FCHSD2: variants seen among roughly 807,000 people sequenced by gnomAD.
The protein encoded by FCHSD2 is FCH and double SH3 domains 2, also known as F-BAR and double SH3 domains protein 2.
Under a neutral mutation model 108.1 loss-of-function variants are expected in FCHSD2, and 38 were observed. That is an observed-to-expected ratio of 0.35 (90% CI 0.27 to 0.46). The LOEUF (loss-of-function observed/expected upper bound fraction) is 0.46. Among genes scored for constraint, FCHSD2 ranks in the 20% least tolerant of loss-of-function variants. The probability of loss-of-function intolerance (pLI) is 1.00; values close to 1 mark genes in which losing one functional copy is unlikely to be tolerated. For synonymous variants in FCHSD2, 279 were observed against 314.7 expected (o/e 0.89, Z 1.20); for missense variants, 751 against 897.8 (o/e 0.84, Z 2.09).
At chr11:72,959,218 G>GTTTTTTTTT (rs1565342294) in intron 8 of FCHSD2, among the ~76,000 whole-genome samples, 1 of 61,564 alleles carries the variant, frequency 1.6e-5, no homozygotes, top group African/African-American at 6.3e-5. Flanking sequence ...ATATCCAGCA[G>GTTTTTTTTT]TCTTTTTTTT....
chr11:73,037,306 G>A (rs183093778), intron 3 of FCHSD2, among the ~76,000 whole-genome samples: 19 of 152,198 alleles, frequency 1.2e-4, no homozygotes, highest in Admixed American at 1.2e-3. Flanking sequence ...GAAGTCCATG[G>A]TTTACACTAG....
At chr11:73,018,073 A>G (rs1858013611) in intron 3 of FCHSD2, among the ~76,000 whole-genome samples, 1 of 152,328 alleles carries the variant, frequency 6.6e-6, no homozygotes, top group South Asian at 2.1e-4. Flanking sequence ...GAACTCATGT[A>G]TTTTAAATAA....
intron 8 of FCHSD2, among the ~76,000 whole-genome samples, chr11:72,977,018 C>T (rs899623868): frequency 9.9e-5 from 15 of 151,804 alleles, no homozygotes; most frequent in Non-Finnish European, 1.3e-4. Flanking sequence ...CTCCACTTCC[C>T]GGTTCAAGCG....
chr11:72,940,658 AG>A (rs1856397589), intron 8 of FCHSD2: 1 of 1,331,186 alleles, frequency 7.5e-7, no homozygotes, highest in Non-Finnish European at 1.1e-6. Context: ...CCAGGCTGCA[AG>A]GCCAAGCAAG....
At chr11:72,852,250 G>C (rs1230764350) in intron 13 of FCHSD2, among the ~76,000 whole-genome samples, 2 of 152,114 alleles carry the variant, frequency 1.3e-5, no homozygotes, top group South Asian at 2.1e-4. Flanking sequence ...ATGGAAAAAA[G>C]GGACGCTTAT....
chr11:72,901,134 G>A (rs1473508820), intron 10 of FCHSD2, among the ~76,000 whole-genome samples: 1 of 152,142 alleles, frequency 6.6e-6, no homozygotes, highest in African/African-American at 2.4e-5. Context: ...GCTCACGTCC[G>A]TAATGCCAGC....
chr11:73,098,148 G>C (rs77006715), intron 2 of FCHSD2, among the ~76,000 whole-genome samples: 5,077 of 152,120 alleles, frequency 0.033, 129 homozygotes, highest in Middle Eastern at 0.071. Context: ...TATAAAGCTA[G>C]GTTGTTAACT....
At chr11:72,984,933 C>T in intron 7 of FCHSD2, 129 bp downstream of exon 7, 1 of 522,946 alleles carries the variant, frequency 1.9e-6, no homozygotes, top group East Asian at 4.3e-5. Flanking sequence ...GAAAGTTCCT[C>T]CCTGAGTCAG....
At chr11:72,880,839 G>C (rs2135232400) in intron 12 of FCHSD2, among the ~76,000 whole-genome samples, 1 of 150,018 alleles carries the variant, frequency 6.7e-6, no homozygotes, top group East Asian at 2.0e-4. Context: ...CTGCACTCCA[G>C]CCTGGGTGAC....
chr11:72,974,305 T>C (rs1196631891), intron 8 of FCHSD2, among the ~76,000 whole-genome samples: 1 of 152,162 alleles, frequency 6.6e-6, no homozygotes, highest in Non-Finnish European at 1.5e-5. Flanking sequence ...GGCCAAACTT[T>C]TCCTTTTATC....
At chr11:73,016,173 T>A (rs966517331) in intron 3 of FCHSD2, among the ~76,000 whole-genome samples, 8 of 151,764 alleles carry the variant, frequency 5.3e-5, no homozygotes, top group African/African-American at 1.9e-4. Context: ...TGTGGTAGCA[T>A]GCGCCTGTAG....
intron 3 of FCHSD2, among the ~76,000 whole-genome samples, chr11:73,054,239 T>C (rs1214319348): frequency 6.6e-6 from 1 of 152,004 alleles, no homozygotes; most frequent in African/African-American, 2.4e-5. Context: ...AAAAAAAAGT[T>C]TGCCAATCTC....
intron 8 of FCHSD2, among the ~76,000 whole-genome samples, chr11:72,966,253 G>A (rs531076341): frequency 2.3e-4 from 35 of 150,524 alleles, no homozygotes; most frequent in African/African-American, 8.1e-4. Context: ...TCTGCCTCCC[G>A]GGTTCATGCA....
intron 11 of FCHSD2, 105 bp downstream of exon 11, chr11:72,889,724 A>G: frequency 1.5e-6 from 1 of 686,550 alleles, no homozygotes; most frequent in South Asian, 1.9e-5. Flanking sequence ...AAATAAAACA[A>G]AACAACACAT....
At chr11:73,012,460 C>T (rs1857883199) in intron 4 of FCHSD2, among the ~76,000 whole-genome samples, 1 of 152,188 alleles carries the variant, frequency 6.6e-6, no homozygotes, top group Non-Finnish European at 1.5e-5. Flanking sequence ...TACTCCTGTA[C>T]TGTTTACCTA....
At chr11:72,893,125 A>T (rs1217626617) in intron 10 of FCHSD2, among the ~76,000 whole-genome samples, 1 of 151,782 alleles carries the variant, frequency 6.6e-6, no homozygotes, top group Non-Finnish European at 1.5e-5. Flanking sequence ...CAGCCTCCGG[A>T]GTAACTGGGA....
chr11:72,868,155 A>G, intron 12 of FCHSD2, 129 bp from the exon 13 acceptor site: 1 of 781,700 alleles, frequency 1.3e-6, no homozygotes, highest in Non-Finnish European at 2.0e-6. Flanking sequence ...ACACCATGGA[A>G]TACTATGCAG....
At chr11:73,092,029 A>T (rs1859971465) in intron 2 of FCHSD2, among the ~76,000 whole-genome samples, 1 of 151,756 alleles carries the variant, frequency 6.6e-6, no homozygotes, top group South Asian at 2.1e-4. Context: ...AATGAGACTC[A>T]CTCTCAAAAA....
intron 9 of FCHSD2, among the ~76,000 whole-genome samples, chr11:72,913,030 C>T (rs567798628): frequency 1.7e-4 from 26 of 152,210 alleles, no homozygotes; most frequent in African/African-American, 5.3e-4. Context: ...CTTTGTCTTA[C>T]GTGGCAGGAG....
Sources: allele counts gnomAD v4.1 joint callset (sites outside exome capture counted in the v4.1 genomes callset), GRCh38; gene constraint gnomAD v4.1.1; transcripts MANE v1.5; gene names NCBI Gene and HGNC (gene_info 2026-07-23, HGNC 2026-07-21).